ROBO1: variants seen among roughly 807,000 people sequenced by gnomAD.
ROBO1 encodes roundabout guidance receptor 1.
A neutral mutation model predicts 195.9 loss-of-function variants in ROBO1; 149 were observed. The observed-to-expected ratio is 0.76, with a 90% CI of 0.67 to 0.87. The LOEUF (loss-of-function observed/expected upper bound fraction) is 0.87. Among genes scored for constraint, ROBO1 ranks in the 40% least tolerant of loss-of-function variants. The pLI is 0.00. For missense variants in ROBO1, 1,933 were observed against 2,068.3 expected, an observed-to-expected ratio of 0.93 and a Z score of 1.27; for synonymous variants, 816 against 733.2, an observed-to-expected ratio of 1.11 and a Z score of -1.82.
chr3:79,672,009 G>C (rs914197011), intron 1 of ROBO1, among the ~76,000 whole-genome samples: 2 of 151,854 alleles, frequency 1.3e-5, no homozygotes, highest in African/African-American at 4.8e-5. Context: ...TTCTGCACAG[G>C]TTTTCTCTAA....
chr3:78,953,823 T>C (rs1453672138), intron 3 of ROBO1, among the ~76,000 whole-genome samples: 1 of 149,956 alleles, frequency 6.7e-6, no homozygotes, highest in Non-Finnish European at 1.5e-5. Flanking sequence ...CTAAAATACC[T>C]ACACTTTACA....
At chr3:79,453,214 T>G (rs1033652854) in intron 2 of ROBO1, among the ~76,000 whole-genome samples, 1 of 152,014 alleles carries the variant, frequency 6.6e-6, no homozygotes, top group Non-Finnish European at 1.5e-5. Flanking sequence ...GAAAGTAGAT[T>G]CTGACTACAG....
intron 4 of ROBO1, among the ~76,000 whole-genome samples, chr3:78,879,208 T>C (rs1036580226): frequency 6.6e-6 from 1 of 152,188 alleles, no homozygotes; most frequent in Non-Finnish European, 1.5e-5. Context: ...GATGCAGATA[T>C]TTATAACACA....
intron 2 of ROBO1, among the ~76,000 whole-genome samples, chr3:79,341,847 T>C (rs918016314): frequency 2.6e-5 from 4 of 152,198 alleles, no homozygotes; most frequent in Non-Finnish European, 4.4e-5. Flanking sequence ...TTTTTAATAT[T>C]AGAGGCTTCT....
intron 1 of ROBO1, among the ~76,000 whole-genome samples, chr3:79,687,644 G>T (rs1411224709): frequency 6.6e-6 from 1 of 152,126 alleles, no homozygotes; most frequent in Non-Finnish European, 1.5e-5. Flanking sequence ...GGCCATCAAA[G>T]AAATGCAAAT....
At chr3:79,189,023 C>G (rs574626960) in intron 2 of ROBO1, among the ~76,000 whole-genome samples, 2 of 151,814 alleles carry the variant, frequency 1.3e-5, no homozygotes, top group East Asian at 1.9e-4. Context: ...CACCGTATAT[C>G]TAGTGGCATT....
At chr3:79,542,421 G>A (rs547769019) in intron 2 of ROBO1, among the ~76,000 whole-genome samples, 10 of 151,874 alleles carry the variant, frequency 6.6e-5, no homozygotes, top group Non-Finnish European at 1.0e-4. Flanking sequence ...TCTAAATAAA[G>A]TTATTTTTTC....
At chr3:79,448,914 G>A (rs975445359) in intron 2 of ROBO1, among the ~76,000 whole-genome samples, 2 of 152,014 alleles carry the variant, frequency 1.3e-5, no homozygotes, top group Non-Finnish European at 2.9e-5. Flanking sequence ...GCCTTTGAAG[G>A]GATGATAATT....
intron 2 of ROBO1, among the ~76,000 whole-genome samples, chr3:79,240,151 A>C (rs2082485753): frequency 6.6e-6 from 1 of 152,170 alleles, no homozygotes; most frequent in African/African-American, 2.4e-5. Flanking sequence ...ATGAATATAT[A>C]ATACATTGTT....
intron 2 of ROBO1, among the ~76,000 whole-genome samples, chr3:79,189,826 A>C (rs897310133): frequency 5.9e-5 from 9 of 151,862 alleles, no homozygotes; most frequent in African/African-American, 1.9e-4. Flanking sequence ...AAACATAAAT[A>C]GAGCAATTTT....
At chr3:78,926,782 G>T (rs1359033925) in intron 4 of ROBO1, among the ~76,000 whole-genome samples, 1 of 152,044 alleles carries the variant, frequency 6.6e-6, no homozygotes, top group African/African-American at 2.4e-5. Context: ...CTCGAGAAAT[G>T]GAATATTTTA....
chr3:78,911,819 T>C (rs149633665), intron 4 of ROBO1, among the ~76,000 whole-genome samples: 2 of 152,176 alleles, frequency 1.3e-5, no homozygotes, highest in East Asian at 1.9e-4. Flanking sequence ...TTTCATTTCT[T>C]CTTTATATTC....
chr3:78,986,313 G>A (rs1576515795), intron 3 of ROBO1, among the ~76,000 whole-genome samples: 1 of 152,058 alleles, frequency 6.6e-6, no homozygotes, highest in African/African-American at 2.4e-5. Flanking sequence ...ACATGCTTGG[G>A]TCACTAGCAA....
chr3:78,711,271 C>T (rs2081680795), intron 8 of ROBO1, among the ~76,000 whole-genome samples: 1 of 151,766 alleles, frequency 6.6e-6, no homozygotes, highest in African/African-American at 2.4e-5. Flanking sequence ...CTCTTTCTTC[C>T]TTTCTTTCTT....
intron 1 of ROBO1, among the ~76,000 whole-genome samples, chr3:79,643,566 A>G (rs1238471430): frequency 6.6e-6 from 1 of 152,148 alleles, no homozygotes; most frequent in Non-Finnish European, 1.5e-5. Context: ...ATGGAGTTAA[A>G]GTATAAAGTT....
intron 4 of ROBO1, among the ~76,000 whole-genome samples, chr3:78,814,962 C>G (rs566229189): frequency 6.6e-6 from 1 of 151,972 alleles, no homozygotes; most frequent in Non-Finnish European, 1.5e-5. Context: ...TATATTGTTA[C>G]GGTGATCTGT....
chr3:78,627,746 T>G (rs546059350), intron 25 of ROBO1, among the ~76,000 whole-genome samples, 177 bp from the exon 26 acceptor site: 1 of 152,318 alleles, frequency 6.6e-6, no homozygotes. Flanking sequence ...CTGCATAAAC[T>G]ATTTTTCTCT....
At chr3:79,320,232 G>T (rs1172959493) in intron 2 of ROBO1, among the ~76,000 whole-genome samples, 2 of 152,218 alleles carry the variant, frequency 1.3e-5, no homozygotes, top group Non-Finnish European at 2.9e-5. Context: ...GCACGGTGGA[G>T]TATGGGCTAC....
chr3:78,759,704 A>G (rs1011332461), intron 4 of ROBO1, among the ~76,000 whole-genome samples: 1 of 152,064 alleles, frequency 6.6e-6, no homozygotes, highest in African/African-American at 2.4e-5. Context: ...TTGTTTGTTA[A>G]TTATTGTAAC....
Sources: gnomAD v4.1 joint callset for allele counts (sites outside exome capture counted in the v4.1 genomes callset) on GRCh38, gnomAD v4.1.1 for gene constraint, MANE v1.5 for transcripts, NCBI Gene and HGNC (gene_info 2026-07-23, HGNC 2026-07-21) for gene names.